TMEM135: variants seen among roughly 807,000 people sequenced by gnomAD.
TMEM135 encodes the protein peroxisomal membrane protein 52.
A neutral mutation model predicts 60.3 loss-of-function variants in TMEM135; 30 were observed. The ratio of observed to expected loss-of-function variants is 0.50; its 90% CI spans 0.37 to 0.68. The LOEUF (loss-of-function observed/expected upper bound fraction) is 0.68. Among genes scored for constraint, TMEM135 ranks in the 30% least tolerant of loss-of-function variants. The probability of loss-of-function intolerance (pLI) is 0.00; values close to 1 mark genes in which losing one functional copy is unlikely to be tolerated. For synonymous variants in TMEM135, 190 were observed against 186.7 expected (o/e 1.02, Z -0.14); for missense variants, 468 against 548.8 (o/e 0.85, Z 1.47).
At chr11:87,054,683 A>T (rs1949875325) in intron 1 of TMEM135, among the ~76,000 whole-genome samples, 1 of 152,184 alleles carries the variant, frequency 6.6e-6, no homozygotes, top group South Asian at 2.1e-4. Flanking sequence ...GATTGTGATT[A>T]ATCCACTTTG....
chr11:87,143,463 T>A (rs609819), intron 4 of TMEM135, among the ~76,000 whole-genome samples: 55,467 of 151,348 alleles, frequency 0.37, 10,699 homozygotes, highest in East Asian at 0.67. Flanking sequence ...GACATTTTAT[T>A]CTATATATTT....
chr11:87,320,251 G>T (rs1942798631), intron 14 of TMEM135, among the ~76,000 whole-genome samples: 1 of 152,128 alleles, frequency 6.6e-6, no homozygotes, highest in Non-Finnish European at 1.5e-5. Context: ...GTACAAAGGG[G>T]TTAGATAGCT....
chr11:87,211,604 G>T (rs1940371086), intron 5 of TMEM135, among the ~76,000 whole-genome samples: 1 of 152,178 alleles, frequency 6.6e-6, no homozygotes, highest in South Asian at 2.1e-4. Context: ...TTGGGAGGAA[G>T]AAAGTAGAAA....
At position 87,328,146 on chromosome 11, in the gene TMEM135, A is replaced by C. The variant is rs1942941999; in HGVS notation, c.*6813A>C. 4.4e-6 allele frequency: 2 copies of C among 453,978 alleles called. No individual in the cohort carries two copies. The highest frequency in any genetic ancestry group is 8.8e-6 in the Non-Finnish European group (2 of 226,796). The allele number at this position is 453,978 out of a possible 1,614,324, so 28.1% of individuals were successfully genotyped here. A position where few individuals can be genotyped will look rare whatever the true frequency, so the allele number is the denominator to read the frequency against. ...CAAGAATTCTGTTACTTTCAGCTGA[A>C]AACATTTCTAATGGACATATTCCAA... On this transcript the variant is annotated 3_prime_UTR_variant, in exon 15 of 15. Coordinates refer to ENST00000305494, the MANE Select transcript of TMEM135 (RefSeq NM_022918.4).
chr11:87,091,682 A>T (rs571392773), intron 4 of TMEM135, among the ~76,000 whole-genome samples: 1 of 151,972 alleles, frequency 6.6e-6, no homozygotes, highest in Non-Finnish European at 1.5e-5. Context: ...GTATGTGTAT[A>T]TATCTGTCTC....
intron 6 of TMEM135, among the ~76,000 whole-genome samples, chr11:87,260,415 C>G (rs2135400652): frequency 6.6e-6 from 1 of 152,278 alleles, no homozygotes; most frequent in East Asian, 1.9e-4. Context: ...GCAACTTCTA[C>G]TGATATGAAA....
chr11:87,137,624 C>CTA (rs1938137856), intron 4 of TMEM135, among the ~76,000 whole-genome samples: 1 of 151,960 alleles, frequency 6.6e-6, no homozygotes, highest in Admixed American at 6.6e-5. Context: ...AAGAGGGACA[C>CTA]TATCTTGTTT....
At chr11:87,040,341 T>C (rs1177932485) in intron 1 of TMEM135, among the ~76,000 whole-genome samples, 1 of 151,966 alleles carries the variant, frequency 6.6e-6, no homozygotes, top group Non-Finnish European at 1.5e-5. Flanking sequence ...TGCAAGGTGG[T>C]GTGGTGGAAA....
intron 3 of TMEM135, among the ~76,000 whole-genome samples, chr11:87,088,263 C>T (rs1857137835): frequency 6.6e-6 from 1 of 152,150 alleles, no homozygotes; most frequent in South Asian, 2.1e-4. Flanking sequence ...CTCTGCAAGT[C>T]AAGCTTAATT....
intron 6 of TMEM135, among the ~76,000 whole-genome samples, chr11:87,267,087 A>G (rs1157536335): frequency 2.0e-5 from 3 of 152,206 alleles, no homozygotes; most frequent in African/African-American, 7.2e-5. Context: ...AGTATTGGAA[A>G]TGGAAAGAAC....
At chr11:87,150,923 A>C (rs1938541552) in intron 4 of TMEM135, among the ~76,000 whole-genome samples, 1 of 152,130 alleles carries the variant, frequency 6.6e-6, no homozygotes. Flanking sequence ...TAGATCTTGC[A>C]AATCTGGAAA....
intron 5 of TMEM135, among the ~76,000 whole-genome samples, chr11:87,185,256 C>G (rs2135308640): frequency 6.6e-6 from 1 of 152,250 alleles, no homozygotes; most frequent in Non-Finnish European, 1.5e-5. Flanking sequence ...AGTCACCTCT[C>G]TCTCATTTGT....
chr11:87,305,906 T>C (rs1320395212), intron 8 of TMEM135, 30 bp from the exon 9 acceptor site: 1 of 1,568,738 alleles, frequency 6.4e-7, no homozygotes, highest in Admixed American at 1.7e-5. Context: ...TTAATTATAA[T>C]TAGTTTAATT....
chr11:87,321,126 A>G (rs985380650), intron 14 of TMEM135, 75 bp from the exon 15 acceptor site: 1 of 1,287,728 alleles, frequency 7.8e-7, no homozygotes, highest in African/African-American at 1.6e-5. Context: ...CCCACATAAG[A>G]TAAGTCAACT....
At chr11:87,285,563 T>C (rs538488217) in intron 6 of TMEM135, among the ~76,000 whole-genome samples, 2 of 152,078 alleles carry the variant, frequency 1.3e-5, no homozygotes, top group Non-Finnish European at 2.9e-5. Flanking sequence ...CACCCAGAGT[T>C]GTTCATTCCA....
At chr11:87,234,639 C>G (rs1940956642) in intron 5 of TMEM135, among the ~76,000 whole-genome samples, 1 of 151,972 alleles carries the variant, frequency 6.6e-6, no homozygotes, top group Admixed American at 6.6e-5. Context: ...ACTAATTCTT[C>G]TAAATAATTC....
intron 4 of TMEM135, among the ~76,000 whole-genome samples, chr11:87,115,892 T>C (rs2512495): frequency 2.0e-5 from 3 of 151,832 alleles, no homozygotes; most frequent in Non-Finnish European, 4.4e-5. Flanking sequence ...TAGTCTTAGA[T>C]ATTTATTAAA....
intron 5 of TMEM135, among the ~76,000 whole-genome samples, chr11:87,215,136 TTTA>T (rs1433906009): frequency 2.6e-5 from 4 of 152,174 alleles, no homozygotes; most frequent in African/African-American, 9.6e-5. Flanking sequence ...ACTTGTATCA[TTTA>T]TTATTAACTA....
chr11:87,158,790 A>G (rs763976747), intron 5 of TMEM135, among the ~76,000 whole-genome samples: 4 of 152,156 alleles, frequency 2.6e-5, no homozygotes, highest in Non-Finnish European at 4.4e-5. Context: ...TATAAAGTAT[A>G]TTTTGTCTAT....
Sources: gnomAD v4.1 joint callset for allele counts (sites outside exome capture counted in the v4.1 genomes callset) on GRCh38, gnomAD v4.1.1 for gene constraint, MANE v1.5 for transcripts, NCBI Gene and HGNC (gene_info 2026-07-23, HGNC 2026-07-21) for gene names.